Variants in KCNK13 observed in about 807,000 individuals in gnomAD.
The protein encoded by KCNK13 is potassium two pore domain channel subfamily K member 13.
A neutral mutation model predicts 23.4 loss-of-function variants in KCNK13; 12 were observed. The observed-to-expected ratio is 0.51, with a 90% CI of 0.33 to 0.83. The LOEUF (loss-of-function observed/expected upper bound fraction) is 0.83, where lower values mean the gene tolerates loss of function less well. KCNK13 is among the 40% of genes least tolerant of loss of function. KCNK13 has a pLI of 0.02. For missense variants in KCNK13, 463 were observed against 556.3 expected, an observed-to-expected ratio of 0.83 and a Z score of 1.69; for synonymous variants, 231 against 229.5, an observed-to-expected ratio of 1.01 and a Z score of -0.06.
rs117199218 is a variant in KCNK13 at position 90,121,309 on chromosome 14, T to C, written c.334+58770T>C. ...TTTTGTAACAGGGATAGAAGAGAAGTTGCTGAAGCAGCACTTGGCAGCCTC... is the reference window on the plus strand; with the variant it reads ...TTTTGTAACAGGGATAGAAGAGAAGCTGCTGAAGCAGCACTTGGCAGCCTC... On this transcript the variant is annotated intron_variant, in intron 1 of 1. Coordinates refer to ENST00000282146, the MANE Select transcript of KCNK13 (RefSeq NM_022054.4). Among the ~76,000 whole-genome samples the C allele has an allele frequency of 9.1e-4, 139 of 152,342 alleles. 1 individual carries two copies. The East Asian group carries it at 0.021, about 23-fold the overall frequency.
chr14:90,149,858 T>G (rs557969505), intron 1 of KCNK13, among the ~76,000 whole-genome samples: 19 of 152,182 alleles, frequency 1.2e-4, no homozygotes, highest in Non-Finnish European at 2.8e-4. Flanking sequence ...GATTGAGGTT[T>G]CTTACTTAAT....
At chr14:90,122,501 G>A (rs1344014419) in intron 1 of KCNK13, among the ~76,000 whole-genome samples, 3 of 151,792 alleles carry the variant, frequency 2.0e-5, no homozygotes, top group African/African-American at 7.3e-5. Flanking sequence ...CACCACACCC[G>A]GCTAAATTTT....
intron 1 of KCNK13, among the ~76,000 whole-genome samples, chr14:90,141,722 C>T (rs543557828): frequency 2.1e-4 from 31 of 148,266 alleles, no homozygotes; most frequent in African/African-American, 4.0e-4. Context: ...CCTCCCAAAG[C>T]GCTGGGATTA....
intron 1 of KCNK13, among the ~76,000 whole-genome samples, chr14:90,080,274 T>G (rs1179997264): frequency 6.6e-6 from 1 of 151,988 alleles, no homozygotes; most frequent in African/African-American, 2.4e-5. Flanking sequence ...GCCAACATGG[T>G]GAAACTCCAT....
At chr14:90,075,770 T>G (rs1244924600) in intron 1 of KCNK13, among the ~76,000 whole-genome samples, 4 of 152,122 alleles carry the variant, frequency 2.6e-5, no homozygotes, top group African/African-American at 9.7e-5. Context: ...CATGAGCCAC[T>G]ACAACAGGTC....
chr14:90,140,198 A>T (rs1027164085), intron 1 of KCNK13, among the ~76,000 whole-genome samples: 1 of 146,302 alleles, frequency 6.8e-6, no homozygotes, highest in African/African-American at 2.4e-5. Flanking sequence ...TTATAAGAAC[A>T]GGGAGAAAAA....
At chr14:90,159,488 G>T (rs1033134358) in intron 1 of KCNK13, among the ~76,000 whole-genome samples, 1 of 152,168 alleles carries the variant, frequency 6.6e-6, no homozygotes, top group Non-Finnish European at 1.5e-5. Context: ...AAATACAAAT[G>T]GAAATGCTAT....
intron 1 of KCNK13, among the ~76,000 whole-genome samples, chr14:90,071,244 A>T (rs962679666): frequency 6.6e-5 from 10 of 152,190 alleles, no homozygotes; most frequent in African/African-American, 2.4e-4. Context: ...GGTCCTGTCC[A>T]AGAAGCTGTC....
At chr14:90,100,746 C>T (rs748262863) in intron 1 of KCNK13, among the ~76,000 whole-genome samples, 5 of 152,176 alleles carry the variant, frequency 3.3e-5, no homozygotes, top group Non-Finnish European at 7.3e-5. Flanking sequence ...GGCTGGAGTG[C>T]AGCGGTATGA....
At chr14:90,111,100 C>T (rs913729590) in intron 1 of KCNK13, among the ~76,000 whole-genome samples, 6 of 152,256 alleles carry the variant, frequency 3.9e-5, no homozygotes, top group African/African-American at 1.4e-4. Context: ...ATACTTAATT[C>T]CCTGAATGTT....
intron 1 of KCNK13, among the ~76,000 whole-genome samples, chr14:90,100,698 T>C (rs1202066769): frequency 6.6e-6 from 1 of 152,102 alleles, no homozygotes; most frequent in East Asian, 1.9e-4. Flanking sequence ...ACTAGGTTGG[T>C]TGGTTTTTCT....
intron 1 of KCNK13, among the ~76,000 whole-genome samples, chr14:90,179,324 C>CTT (rs35775360): frequency 1.4e-4 from 20 of 147,158 alleles, no homozygotes; most frequent in East Asian, 9.8e-4. Flanking sequence ...AAAGCTTTTA[C>CTT]TTTTTTTTTT....
intron 1 of KCNK13, among the ~76,000 whole-genome samples, chr14:90,143,214 T>C (rs970950457): frequency 6.9e-6 from 1 of 144,312 alleles, no homozygotes; most frequent in Non-Finnish European, 1.5e-5. Flanking sequence ...TTTCTTTTCT[T>C]TTTTTTTTTT....
chr14:90,142,818 T>C (rs927493056), intron 1 of KCNK13, among the ~76,000 whole-genome samples: 4 of 152,242 alleles, frequency 2.6e-5, no homozygotes, highest in Non-Finnish European at 5.9e-5. Context: ...GAGCATTCAC[T>C]GGTAACAAGG....
chr14:90,169,193 G>A (rs1356421713), intron 1 of KCNK13, among the ~76,000 whole-genome samples: 1 of 152,200 alleles, frequency 6.6e-6, no homozygotes, highest in Non-Finnish European at 1.5e-5. Context: ...GATGTGATCA[G>A]ATCTTCCATC....
chr14:90,111,905 C>T (rs983870514), intron 1 of KCNK13, among the ~76,000 whole-genome samples: 3 of 152,134 alleles, frequency 2.0e-5, no homozygotes, highest in African/African-American at 7.2e-5. Flanking sequence ...ACAGGTGGGT[C>T]ACTGGGCCAC....
intron 1 of KCNK13, among the ~76,000 whole-genome samples, chr14:90,169,901 G>C (rs1890345208): frequency 6.6e-6 from 1 of 152,208 alleles, no homozygotes; most frequent in Non-Finnish European, 1.5e-5. Flanking sequence ...ACTGAGGGCA[G>C]GGGTAGGAGG....
chr14:90,109,829 C>T (rs1230748155), intron 1 of KCNK13, among the ~76,000 whole-genome samples: 1 of 152,016 alleles, frequency 6.6e-6, no homozygotes, highest in Non-Finnish European at 1.5e-5. Flanking sequence ...CCACTTCAAC[C>T]TTCCGAGCAG....
chr14:90,165,603 C>T (rs28375202), intron 1 of KCNK13, among the ~76,000 whole-genome samples: 2,570 of 152,240 alleles, frequency 0.017, 73 homozygotes, highest in African/African-American at 0.059. Flanking sequence ...CATTTCTTCT[C>T]AGTCTGAGGG....
Sources: allele counts gnomAD v4.1 joint callset (sites outside exome capture counted in the v4.1 genomes callset), GRCh38; gene constraint gnomAD v4.1.1; transcripts MANE v1.5; gene names NCBI Gene and HGNC (gene_info 2026-07-23, HGNC 2026-07-21).